Variants in DMD observed in about 807,000 individuals in gnomAD.
The protein encoded by DMD is mutant dystrophin.
Under a neutral mutation model 330.1 loss-of-function variants are expected in DMD, and 63 were observed. That is an observed-to-expected ratio of 0.19 (90% CI 0.16 to 0.24). The LOEUF (loss-of-function observed/expected upper bound fraction) is 0.24, where lower values mean the gene tolerates loss of function less well. Ranked by LOEUF, DMD falls within the 10% of genes least tolerant of loss-of-function variation. The pLI, the probability that DMD is intolerant of heterozygous loss-of-function variation, is 1.00. For missense variants in DMD, 3,344 were observed against 2,684.1 expected (o/e 1.25, Z -5.43); for synonymous variants, 1,223 against 959.8 (o/e 1.27, Z -5.07).
intron 1 of DMD, among the ~76,000 whole-genome samples, chrX:33,186,872 T>TC (rs2050286314): frequency 3.6e-5 from 4 of 111,742 alleles, no homozygotes; most frequent in African/African-American, 1.3e-4. Context: ...AAAAGGTTAA[T>TC]TATAAAAGAT....
chrX:32,459,178 A>G (rs6527203), intron 25 of DMD, among the ~76,000 whole-genome samples: 26 of 110,656 alleles, frequency 2.3e-4, no homozygotes, highest in Non-Finnish European at 7.6e-5. Context: ...AACAAAAAAA[A>G]TAAATAAATT....
chrX:33,255,092 T>C (rs998512504), intron 1 of DMD, among the ~76,000 whole-genome samples: 2 of 111,115 alleles, frequency 1.8e-5, no homozygotes, highest in African/African-American at 6.5e-5. Context: ...TGGCACTCTA[T>C]TGAAAGTAAA....
At chrX:33,312,713 A>G (rs972888207) in intron 1 of DMD, among the ~76,000 whole-genome samples, 1 of 112,000 alleles carries the variant, frequency 8.9e-6, no homozygotes, top group South Asian at 3.7e-4. Flanking sequence ...TTTGTGAACC[A>G]GCAATGTATA....
intron 2 of DMD, among the ~76,000 whole-genome samples, chrX:32,884,381 C>A (rs2084321539): frequency 8.9e-6 from 1 of 112,034 alleles, no homozygotes; most frequent in Admixed American, 9.5e-5. Flanking sequence ...AATTTAACAA[C>A]AATTAGTTAA....
intron 11 of DMD, among the ~76,000 whole-genome samples, chrX:32,636,364 A>C (rs1457466090): frequency 8.9e-6 from 1 of 112,095 alleles, no homozygotes; most frequent in Non-Finnish European, 1.9e-5. Context: ...GAAAGAACCT[A>C]ATATAAAGTT....
At chrX:32,112,316 G>T (rs770256514) in intron 44 of DMD, among the ~76,000 whole-genome samples, 2 of 111,925 alleles carry the variant, frequency 1.8e-5, no homozygotes, top group African/African-American at 6.5e-5. Context: ...CTGAGATGAG[G>T]CCTGAGGATC....
intron 62 of DMD, among the ~76,000 whole-genome samples, chrX:31,306,873 A>G (rs1353747533): frequency 1.8e-5 from 2 of 111,636 alleles, no homozygotes; most frequent in African/African-American, 6.5e-5. Context: ...TGCTTCCCCA[A>G]GCAATATTGA....
chrX:32,219,296 C>T (rs1261868797), intron 43 of DMD, among the ~76,000 whole-genome samples: 1 of 111,442 alleles, frequency 9.0e-6, no homozygotes, highest in Non-Finnish European at 1.9e-5. Flanking sequence ...ATGAATATAT[C>T]GTAAGTTTAT....
intron 39 of DMD, 119 bp downstream of exon 39, chrX:32,345,824 G>GA: frequency 1.3e-6 from 1 of 744,426 alleles, no homozygotes; most frequent in East Asian, 3.7e-5. Context: ...ACATTGAACA[G>GA]AAAAAGTGAG....
chrX:31,898,462 C>T (rs2094377549), intron 47 of DMD, among the ~76,000 whole-genome samples: 1 of 110,543 alleles, frequency 9.0e-6, no homozygotes, highest in Admixed American at 9.6e-5. Context: ...AGAAGTAACG[C>T]CGCATATCTA....
chrX:31,496,362 C>T (rs902766838), intron 57 of DMD, among the ~76,000 whole-genome samples: 5 of 111,971 alleles, frequency 4.5e-5, no homozygotes, highest in Non-Finnish European at 9.4e-5. Flanking sequence ...AGAGTGAATC[C>T]TATCTTTTAA....
intron 55 of DMD, among the ~76,000 whole-genome samples, chrX:31,622,279 C>CA (rs1449223199): frequency 3.8e-4 from 42 of 110,147 alleles, no homozygotes; most frequent in African/African-American, 1.3e-3. Flanking sequence ...CAAAGTGATC[C>CA]AGTATTTCCA....
At chrX:32,045,140 C>T (rs2096054012) in intron 44 of DMD, among the ~76,000 whole-genome samples, 1 of 110,283 alleles carries the variant, frequency 9.1e-6, no homozygotes, top group Non-Finnish European at 1.9e-5. Context: ...TCCCTGAGGC[C>T]TCCCCAGGAG....
At chrX:33,122,311 A>C (rs1419400328) in intron 1 of DMD, among the ~76,000 whole-genome samples, 1 of 112,994 alleles carries the variant, frequency 8.9e-6, no homozygotes, top group Non-Finnish European at 1.9e-5. Context: ...CACTGTCTAC[A>C]TTAATGCACA....
At chrX:32,797,262 A>G (rs2076247616) in intron 7 of DMD, among the ~76,000 whole-genome samples, 1 of 111,818 alleles carries the variant, frequency 8.9e-6, no homozygotes, top group South Asian at 3.7e-4. Context: ...TGCTGGGATT[A>G]CAGGTGTCAG....
chrX:31,857,139 G>A (rs2093625481), intron 48 of DMD, among the ~76,000 whole-genome samples: 1 of 110,305 alleles, frequency 9.1e-6, no homozygotes, highest in Non-Finnish European at 1.9e-5. Flanking sequence ...AGCACTTTCG[G>A]ATGCTGAGGC....
intron 11 of DMD, among the ~76,000 whole-genome samples, chrX:32,635,292 C>A (rs1892937088): frequency 9.0e-6 from 1 of 111,141 alleles, no homozygotes; most frequent in African/African-American, 3.3e-5. Flanking sequence ...GTGATACAAC[C>A]CAAAAACCAG....
chrX:31,425,806 G>C (rs1344903446), intron 60 of DMD, among the ~76,000 whole-genome samples: 1 of 110,517 alleles, frequency 9.0e-6, no homozygotes, highest in African/African-American at 3.3e-5. Context: ...AGCCATCTTG[G>C]GACCATGAGG....
intron 1 of DMD, among the ~76,000 whole-genome samples, chrX:33,189,180 T>C (rs1204294694): frequency 9.0e-6 from 1 of 111,243 alleles, no homozygotes; most frequent in African/African-American, 3.3e-5. Flanking sequence ...TGATTAACTG[T>C]AAGCATAGTG....
Sources: gnomAD v4.1 joint callset for allele counts (sites outside exome capture counted in the v4.1 genomes callset) on GRCh38, gnomAD v4.1.1 for gene constraint, MANE v1.5 for transcripts, NCBI Gene and HGNC (gene_info 2026-07-23, HGNC 2026-07-21) for gene names.